SUPT3H: variants seen among roughly 807,000 people sequenced by gnomAD.
SUPT3H encodes SPT3 homolog, SAGA and STAGA complex component.
SUPT3H carries 44 observed loss-of-function variants against 44.3 expected under a neutral mutation model. That is an observed-to-expected ratio of 0.99 (90% CI 0.78 to 1.28). The LOEUF is 1.28. SUPT3H is among the 50% of genes most tolerant of loss of function. The pLI, the probability that SUPT3H is intolerant of heterozygous loss-of-function variation, is 0.00. For missense variants in SUPT3H, 380 were observed against 387.1 expected (o/e 0.98, Z 0.15); for synonymous variants, 124 against 125.6 (o/e 0.99, Z 0.09).
chr6:44,944,363 C>T (rs1444056146), intron 9 of SUPT3H, among the ~76,000 whole-genome samples: 1 of 151,676 alleles, frequency 6.6e-6, no homozygotes, highest in Non-Finnish European at 1.5e-5. Context: ...AACAGATAAA[C>T]AGTAAGAGAG....
At chr6:45,255,894 G>A (rs994528854) in intron 2 of SUPT3H, among the ~76,000 whole-genome samples, 3 of 152,182 alleles carry the variant, frequency 2.0e-5, no homozygotes, top group Non-Finnish European at 4.4e-5. Flanking sequence ...ACTAGTGGCC[G>A]GGCATGGTGG....
intron 3 of SUPT3H, among the ~76,000 whole-genome samples, chr6:45,068,037 A>G (rs1267617878): frequency 2.9e-4 from 38 of 133,180 alleles, no homozygotes; most frequent in Admixed American, 5.4e-4. Flanking sequence ...GGCATTATTC[A>G]CAATAGCAAA....
chr6:45,230,662 CTATA>C (rs66480751), intron 2 of SUPT3H, among the ~76,000 whole-genome samples: 14,316 of 69,118 alleles, frequency 0.21, 2,308 homozygotes, highest in East Asian at 0.48. Flanking sequence ...TTCATTCAGT[CTATA>C]TATATATATA....
chr6:45,112,420 G>A (rs1344515901), intron 2 of SUPT3H, among the ~76,000 whole-genome samples: 1 of 151,982 alleles, frequency 6.6e-6, no homozygotes, highest in Non-Finnish European at 1.5e-5. Flanking sequence ...AAAAAAAGGT[G>A]GGGGGTGTTG....
chr6:45,013,097 C>G (rs528400090), intron 5 of SUPT3H, among the ~76,000 whole-genome samples: 1 of 152,126 alleles, frequency 6.6e-6, no homozygotes, highest in East Asian at 1.9e-4. Flanking sequence ...CTGATAATAC[C>G]CTTGGGCATA....
At chr6:44,911,787 T>C (rs992623469) in intron 10 of SUPT3H, among the ~76,000 whole-genome samples, 1 of 152,194 alleles carries the variant, frequency 6.6e-6, no homozygotes, top group Non-Finnish European at 1.5e-5. Context: ...CATTTGCAAC[T>C]GCTGTGGATA....
intron 2 of SUPT3H, among the ~76,000 whole-genome samples, chr6:45,133,172 A>G (rs1020892262): frequency 1.7e-4 from 26 of 152,220 alleles, no homozygotes; most frequent in African/African-American, 6.0e-4. Context: ...AGGCAGTATC[A>G]AAGTTCTAAA....
At chr6:45,233,661 T>C (rs1279830669) in intron 2 of SUPT3H, among the ~76,000 whole-genome samples, 1 of 152,248 alleles carries the variant, frequency 6.6e-6, no homozygotes, top group Non-Finnish European at 1.5e-5. Context: ...TTCCTGTGAC[T>C]TCTCTGTTGG....
In SUPT3H at chr6:45,176,921, A is replaced by T. The variant is rs552896636; in HGVS notation, c.102-70915T>A. ...ATCCACACCAAAAACCCATCTGTACATCAGCATCATCAAAGACCAAAAGTA... is the reference window on the plus strand; with the variant it reads ...ATCCACACCAAAAACCCATCTGTACTTCAGCATCATCAAAGACCAAAAGTA... On this transcript the variant is annotated intron_variant, in intron 2 of 10. Transcript: ENST00000371459. Among the ~76,000 whole-genome samples the T allele has an allele frequency of 1.8e-3, 281 of 152,194 alleles. 1 individual carries two copies. Among genetic ancestry groups the T allele is most frequent in the African/African-American group, 6.3e-3 (260 of 41,508 alleles).
chr6:45,104,409 A>G (rs932317773), intron 3 of SUPT3H, among the ~76,000 whole-genome samples: 1 of 152,116 alleles, frequency 6.6e-6, no homozygotes, highest in African/African-American at 2.4e-5. Context: ...TTCTACATTC[A>G]GTACTTTAAA....
chr6:45,072,625 AT>A (rs1249281133), intron 3 of SUPT3H, among the ~76,000 whole-genome samples: 1 of 128,598 alleles, frequency 7.8e-6, no homozygotes, highest in East Asian at 2.3e-4. Flanking sequence ...ATACTTGGGC[AT>A]TATTGTTTCA....
At chr6:45,188,342 G>A (rs1006411502) in intron 2 of SUPT3H, among the ~76,000 whole-genome samples, 4 of 152,162 alleles carry the variant, frequency 2.6e-5, no homozygotes, top group South Asian at 2.1e-4. Context: ...TCATGAAATC[G>A]GGAAAAAGGA....
intron 11 of SUPT3H, among the ~76,000 whole-genome samples, chr6:44,816,727 A>C: frequency 6.6e-6 from 1 of 152,214 alleles, no homozygotes; most frequent in Non-Finnish European, 1.5e-5. Context: ...GTACAGATAC[A>C]AAAATACCTA....
At chr6:45,306,346 C>T (rs190883535) in intron 2 of SUPT3H, among the ~76,000 whole-genome samples, 3 of 152,346 alleles carry the variant, frequency 2.0e-5, no homozygotes, top group Non-Finnish European at 4.4e-5. Flanking sequence ...CTTGCTGCCA[C>T]CACAGACATC....
chr6:44,854,526 G>T (rs1245083391), intron 10 of SUPT3H, among the ~76,000 whole-genome samples: 1 of 152,088 alleles, frequency 6.6e-6, no homozygotes. Flanking sequence ...CAATGTTACT[G>T]AACAGCTTCT....
At chr6:45,297,812 A>C (rs1460991891) in intron 2 of SUPT3H, among the ~76,000 whole-genome samples, 1 of 152,180 alleles carries the variant, frequency 6.6e-6, no homozygotes, top group Non-Finnish European at 1.5e-5. Context: ...CACAGAGTAG[A>C]CATCCAGTAT....
intron 3 of SUPT3H, among the ~76,000 whole-genome samples, chr6:45,038,112 T>C (rs968783442): frequency 2.0e-5 from 3 of 152,086 alleles, no homozygotes; most frequent in African/African-American, 2.4e-5. Context: ...ACGACATCCA[T>C]GACAAATCAA....
intron 1 of SUPT3H, among the ~76,000 whole-genome samples, chr6:45,370,282 T>C (rs1035443937): frequency 2.0e-5 from 3 of 152,058 alleles, no homozygotes; most frequent in Non-Finnish European, 4.4e-5. Context: ...TGCTGATGGA[T>C]TACACGTGGG....
At chr6:45,021,580 C>T (rs1785143726) in intron 3 of SUPT3H, among the ~76,000 whole-genome samples, 1 of 151,860 alleles carries the variant, frequency 6.6e-6, no homozygotes, top group Non-Finnish European at 1.5e-5. Flanking sequence ...ATATGAAATA[C>T]TATAAAAAGT....
Sources: allele counts gnomAD v4.1 joint callset (sites outside exome capture counted in the v4.1 genomes callset), GRCh38; gene constraint gnomAD v4.1.1; transcripts MANE v1.5; gene names NCBI Gene and HGNC (gene_info 2026-07-23, HGNC 2026-07-21).